SERPINA10: variants seen among roughly 807,000 people sequenced by gnomAD.
SERPINA10 encodes protein Z-dependent protease inhibitor.
A neutral mutation model predicts 28.0 loss-of-function variants in SERPINA10; 24 were observed. That is an observed-to-expected ratio of 0.86 (90% CI 0.62 to 1.20). The LOEUF (loss-of-function observed/expected upper bound fraction) is 1.20. Ranked by LOEUF, SERPINA10 falls within the 50% of genes most tolerant of loss-of-function variation. The pLI is 0.00. For missense variants in SERPINA10, 521 were observed against 537.7 expected (o/e 0.97, Z 0.31); for synonymous variants, 207 against 203.9 (o/e 1.02, Z -0.13).
intron 1 of SERPINA10, among the ~76,000 whole-genome samples, chr14:94,291,039 A>T (rs542853363): frequency 1.3e-5 from 2 of 152,170 alleles, no homozygotes; most frequent in Non-Finnish European, 2.9e-5. Context: ...TGCCCTGACC[A>T]TCTGGTCGTC....
rs1221473686 is a variant in SERPINA10, at chr14:94,282,672, C to G, written c.*1293G>C. On this transcript the variant is annotated 3_prime_UTR_variant, in exon 5 of 5. Transcript: ENST00000261994. The stretch of plus-strand genomic sequence containing the variant: ...ACTTATCCACTAGATGCAGAAGACA[C>G]AGTGCCCAAGGCTGACAGTACTGTA... 1 of 152,198 alleles carries G rather than the reference C, an allele frequency of 6.6e-6. No individual in the cohort carries two copies. Among genetic ancestry groups the G allele is most frequent in the African/African-American group, 2.4e-5 (1 of 41,444 alleles). 9.4% of individuals were successfully genotyped at this position (152,198 alleles called of 1,614,324 possible).
rs1278236576 is a variant in SERPINA10, at chr14:94,281,220, A to C, written c.*2745T>G. The C allele has an allele frequency of 6.6e-6, 1 of 152,050 alleles. No individual in the cohort carries two copies. The highest frequency in any genetic ancestry group is 1.5e-5 in the Non-Finnish European group (1 of 68,044). 9.4% of individuals were successfully genotyped at this position (152,050 alleles called of 1,614,324 possible). A position where few individuals can be genotyped will look rare whatever the true frequency, so the allele number is the denominator to read the frequency against. ...GGGAGGCCGAGGCGGGCAGATCACA[A>C]GGTCAGGAGATCAAGACCATCCTGA... On this transcript the variant is annotated 3_prime_UTR_variant, in exon 5 of 5. Transcript: ENST00000261994.
At chr14:94,285,668 TGAA>T (rs945244503) in intron 4 of SERPINA10, among the ~76,000 whole-genome samples, 3 of 151,920 alleles carry the variant, frequency 2.0e-5, no homozygotes, top group African/African-American at 7.3e-5. Context: ...ACTGGAAGCA[TGAA>T]GAGGAAGAGA....
At chr14:94,291,133 AG>A (rs1895169162) in intron 1 of SERPINA10, among the ~76,000 whole-genome samples, 1 of 152,182 alleles carries the variant, frequency 6.6e-6, no homozygotes. Flanking sequence ...CCGTTAGGCA[AG>A]GAAGGGGGAA....
Position 94,289,902 on chromosome 14 carries a change from A to T in SERPINA10, c.692T>A (p.Ile231Asn). 1 of 1,614,048 alleles carries T rather than the reference A, an allele frequency of 6.2e-7. No homozygotes were observed. The highest frequency in any genetic ancestry group is 8.5e-7 in the Non-Finnish European group (1 of 1,179,990). Residue 231 changes from isoleucine to asparagine, a missense_variant, in exon 2 of 5, where the codon ATT becomes AAT. Coordinates refer to ENST00000261994, the MANE Select transcript of SERPINA10 (RefSeq NM_001100607.3). ...FDEINPETKL[I>N]LVDYILFKGK... ...TTTGAACAAGATGTAATCCACAAGA[A>T]TTAATTTGGTTTCAGGATTAATCTC...
intron 2 of SERPINA10, among the ~76,000 whole-genome samples, chr14:94,289,586 T>C (rs891526547): frequency 1.3e-5 from 2 of 151,600 alleles, no homozygotes; most frequent in Non-Finnish European, 2.9e-5. Flanking sequence ...CCCCAGATAA[T>C]CCCCCAGCCC....
chr14:94,287,402 C>T (rs540755860), intron 3 of SERPINA10, among the ~76,000 whole-genome samples: 8 of 152,254 alleles, frequency 5.3e-5, no homozygotes, highest in East Asian at 3.9e-4. Context: ...CACATCCAAT[C>T]GATTAGCAGA....
At position 94,284,120 on chromosome 14, in the gene SERPINA10, C is replaced by G. The variant is rs1483845908; in HGVS notation, c.1180G>C (p.Gly394Arg). ...QRTVIEVDER[G>R]TEAVAGILSE... ...AAGATTCCTGCCACTGCCTCAGTGCCCCTTTCATCAACTTCAATCACTGTT... is the reference window on the plus strand; with the variant it reads ...AAGATTCCTGCCACTGCCTCAGTGCGCCTTTCATCAACTTCAATCACTGTT... The change falls in exon 5 of 5, where the codon GGC (glycine) becomes CGC (arginine). Residue 394 changes from glycine (G) to arginine (R), a missense_variant. Physicochemically the swap from Gly to Arg is moderately radical, Grantham distance 125. Coordinates refer to ENST00000261994, the MANE Select transcript of SERPINA10 (RefSeq NM_001100607.3). 3 of 1,614,018 alleles carry G rather than the reference C, an allele frequency of 1.9e-6. No individual in the cohort carries two copies. The highest frequency in any genetic ancestry group is 1.7e-6 in the Non-Finnish European group (2 of 1,180,004).
At position 94,290,654 on chromosome 14, in the gene SERPINA10, G is replaced by A. The variant is rs1036001035; in HGVS notation, c.-50-11C>T. On this transcript the variant is annotated splice_polypyrimidine_tract_variant and intron_variant, in intron 1 of 4. Transcript: ENST00000261994. ...CAGCTGCAAGACTTCCTGTGGAGAG[G>A]AGAGGATAGAGATGGTTTTAATGCC... 1.3e-5 allele frequency: 20 copies of A among 1,597,410 alleles called. No homozygotes were observed. In the African/African-American group the frequency reaches 2.4e-4, roughly 19 times the overall value.
Position 94,292,703 on chromosome 14 carries a change from T to C in SERPINA10, c.-51+486A>G, listed in dbSNP as rs575702817. 1.7e-4 allele frequency: 116 copies of C among 701,714 alleles called. 1 individual carries two copies. Among genetic ancestry groups the C allele is most frequent in the South Asian group, 1.6e-3 (106 of 67,536 alleles). 43.5% of individuals were successfully genotyped at this position (701,714 alleles called of 1,614,324 possible). On this transcript the variant is annotated intron_variant, in intron 1 of 4. Transcript: ENST00000261994. Reference sequence around the variant, plus strand: ...TATATCGCCTAAGGTCTTTGTAAAGTCTTTGCTCATCTACCCAACCCTTTG... The same window carrying C: ...TATATCGCCTAAGGTCTTTGTAAAGCCTTTGCTCATCTACCCAACCCTTTG...
intron 3 of SERPINA10, among the ~76,000 whole-genome samples, chr14:94,287,501 G>A (rs989680400): frequency 6.6e-6 from 1 of 152,222 alleles, no homozygotes; most frequent in Admixed American, 6.5e-5. Context: ...ATCTCTACCT[G>A]GATTGCTAGT....
At chr14:94,288,627 A>G (rs1895085055) in intron 2 of SERPINA10, 68 bp from the exon 3 acceptor site, 18 of 1,590,572 alleles carry the variant, frequency 1.1e-5, no homozygotes, top group Non-Finnish European at 1.6e-5. Flanking sequence ...TTGCTCAAAT[A>G]ATAGAGAGGG....
rs1456107578 is a variant in SERPINA10, at chr14:94,283,979, G to C, written c.1321C>G (p.Pro441Ala). The change falls in exon 5 of 5, where the codon CCG (proline) becomes GCG (alanine). Residue 441 changes from proline to alanine, a missense_variant. Pro to Ala is a conservative substitution (Grantham distance 27, BLOSUM62 -1). Transcript: ENST00000261994. The stretch of plus-strand genomic sequence containing the variant: ...CGTGTCCTGAATTATAGGAGAGTCG[G>C]ATTCACCACCCTGCCCAGAAACAGA... ...MLLFLGRVVNPTLL is the reference protein window; with the variant it reads ...MLLFLGRVVNATLL 6.2e-7 allele frequency: 1 copy of C among 1,613,986 alleles called. No individual in the cohort carries two copies. Among genetic ancestry groups the C allele is most frequent in the Non-Finnish European group, 8.5e-7 (1 of 1,179,872 alleles).
rs1483336942 is a variant in SERPINA10 at position 94,288,339 on chromosome 14, T to G, written c.939A>C (p.Glu313Asp). 1 of 1,614,058 alleles carries G rather than the reference T, an allele frequency of 6.2e-7. No homozygotes were observed. The highest frequency in any genetic ancestry group is 8.5e-7 in the Non-Finnish European group (1 of 1,180,042). Residue 313 changes from glutamate to aspartate, a missense_variant, in exon 3 of 5, where the codon GAA becomes GAC. By Grantham distance (45) the Glu-to-Asp change is conservative (BLOSUM62 2). Transcript: ENST00000261994. ...CCACCAAGTCTGTGGTCAGGTAGTC[T>G]TCAAGGGCGAGGTGGTCACCCATTT... ...MEKMGDHLAL[E>D]DYLTTDLVET...
At position 94,290,426 on chromosome 14, in the gene SERPINA10, G is replaced by T; in HGVS notation, c.168C>A (p.Ser56Arg). ...TCTCTTCCTCACTGGCCTTCTCCTC[G>T]CTGGCCTCCTGCTCATCTTCCTCTT... Reference protein sequence around the residue: ...KEEEEDEQEASEEKASEEEKA... With the variant: ...KEEEEDEQEAREEKASEEEKA... The change falls in exon 2 of 5, where the codon AGC becomes AGA. Residue 56 changes from serine (S) to arginine (R), a missense_variant. Coordinates refer to ENST00000261994, the MANE Select transcript of SERPINA10 (RefSeq NM_001100607.3). The T allele has an allele frequency of 6.2e-7, 1 of 1,613,568 alleles. No individual in the cohort carries two copies. The highest frequency in any genetic ancestry group is 8.5e-7 in the Non-Finnish European group (1 of 1,179,672).
At chr14:94,289,001 C>A (rs914472321) in intron 2 of SERPINA10, among the ~76,000 whole-genome samples, 6 of 152,344 alleles carry the variant, frequency 3.9e-5, no homozygotes, top group African/African-American at 1.2e-4. Flanking sequence ...TCCAAGGTGG[C>A]AGGAGTGACA....
chr14:94,291,188 A>G (rs1895171220), intron 1 of SERPINA10, among the ~76,000 whole-genome samples: 1 of 152,120 alleles, frequency 6.6e-6, no homozygotes. Context: ...TTCTCTTTGC[A>G]CTGCACCTCT....
Position 94,288,378 on chromosome 14 carries a change from C to T in SERPINA10, c.900G>A (p.Val300=), listed in dbSNP as rs1226547122. ...GGTCACCCATTTTCTCCATGAGGAC[C>T]ACCAGCATGGTGGCATTTCCTTGGT... ...LPYQGNATML[V]VLMEKMGDHL... Residue 300 remains valine, a synonymous_variant, in exon 3 of 5, where the codon GTG becomes GTA. Coordinates refer to ENST00000261994, the MANE Select transcript of SERPINA10 (RefSeq NM_001100607.3). 4 of 1,614,068 alleles carry T rather than the reference C, an allele frequency of 2.5e-6. No individual in the cohort carries two copies. The highest frequency in any genetic ancestry group is 2.2e-5 in the South Asian group (2 of 91,072).
Position 94,288,506 on chromosome 14 carries a change from G to T in SERPINA10, c.772C>A (p.Leu258Met). ...ACCTTAATGGTCTTGTACTTGTCCA[G>T]GTGGAAAGTGTCGACTTCGGTGAAG... ...PVFTEVDTFH[L>M]DKYKTIKVPM... The change falls in exon 3 of 5, where the codon CTG becomes ATG. Residue 258 changes from leucine to methionine, a missense_variant. Physicochemically the swap from Leu to Met is conservative, Grantham distance 15. Transcript: ENST00000261994. 1.2e-6 allele frequency: 2 copies of T among 1,614,186 alleles called. No homozygotes were observed. Among genetic ancestry groups the T allele is most frequent in the Non-Finnish European group, 1.7e-6 (2 of 1,180,042 alleles).
Sources: allele counts gnomAD v4.1 joint callset (sites outside exome capture counted in the v4.1 genomes callset), GRCh38; gene constraint gnomAD v4.1.1; transcripts MANE v1.5; gene names NCBI Gene and HGNC (gene_info 2026-07-23, HGNC 2026-07-21).